The following ARHGEF4 variants were observed in gnomAD, a reference collection of about 807,000 sequenced individuals.
ARHGEF4 encodes the protein Rho guanine nucleotide exchange factor 4.
A neutral mutation model predicts 162.0 loss-of-function variants in ARHGEF4; 119 were observed. The ratio of observed to expected loss-of-function variants is 0.73; its 90% confidence interval spans 0.63 to 0.86. ARHGEF4 has a LOEUF of 0.86. Among genes scored for constraint, ARHGEF4 ranks in the 40% least tolerant of loss-of-function variants. ARHGEF4 has a pLI of 0.00. For missense variants in ARHGEF4, 2,488 were observed against 2,456.0 expected (o/e 1.01, Z -0.28); for synonymous variants, 1,014 against 979.9 (o/e 1.03, Z -0.65).
chr2:130,901,433 C>A (rs1680482894), intron 1 of ARHGEF4, among the ~76,000 whole-genome samples: 1 of 152,048 alleles, frequency 6.6e-6, no homozygotes, highest in Non-Finnish European at 1.5e-5. Flanking sequence ...GAACTTTGGC[C>A]AAAGAGAGTC....
At chr2:130,896,817 G>A (rs6759637) in intron 1 of ARHGEF4, among the ~76,000 whole-genome samples, 13,817 of 152,224 alleles carry the variant, frequency 0.091, 1,181 homozygotes, top group African/African-American at 0.22. Flanking sequence ...AGCAGGGTCC[G>A]TGTCTCAGAG....
chr2:130,924,133 G>A (rs559196909), intron 2 of ARHGEF4, among the ~76,000 whole-genome samples: 33 of 151,704 alleles, frequency 2.2e-4, no homozygotes, highest in African/African-American at 6.8e-4. Flanking sequence ...CACCTACCTC[G>A]GCCTCCCAAA....
At chr2:131,043,408 G>T in intron 10 of ARHGEF4, 44 bp from the exon 11 acceptor site, 1 of 1,610,410 alleles carries the variant, frequency 6.2e-7, no homozygotes, top group South Asian at 1.1e-5. Flanking sequence ...TGGAGCCCAC[G>T]GTTGGGTATG....
At chr2:131,045,934 G>T in intron 13 of ARHGEF4, 104 bp from the exon 14 acceptor site, 1 of 1,503,552 alleles carries the variant, frequency 6.7e-7, no homozygotes, top group Non-Finnish European at 8.9e-7. Context: ...CTCCTACGGC[G>T]GCTCTGAAGC....
intron 10 of ARHGEF4, 78 bp downstream of exon 10, chr2:131,042,022 T>G: frequency 6.5e-7 from 1 of 1,529,220 alleles, no homozygotes; most frequent in Non-Finnish European, 8.8e-7. Context: ...CTGAAAAATC[T>G]AGAAGGGAGC....
At chr2:130,870,594 T>C (rs1678404791) in intron 1 of ARHGEF4, among the ~76,000 whole-genome samples, 1 of 152,082 alleles carries the variant, frequency 6.6e-6, no homozygotes, top group African/African-American at 2.4e-5. Flanking sequence ...GGTCAAAGAA[T>C]GAAACAACTG....
chr2:130,928,182 T>C (rs924804646), intron 2 of ARHGEF4, among the ~76,000 whole-genome samples: 5 of 152,202 alleles, frequency 3.3e-5, no homozygotes, highest in Non-Finnish European at 7.3e-5. Flanking sequence ...TGGAGCTAAT[T>C]GGCTAGTGTG....
intron 1 of ARHGEF4, among the ~76,000 whole-genome samples, chr2:130,856,176 T>TA (rs1201156154): frequency 6.6e-6 from 1 of 152,212 alleles, no homozygotes; most frequent in East Asian, 1.9e-4. Flanking sequence ...ATAATATTGT[T>TA]AAAGATATGG....
At chr2:130,889,180 G>A (rs979063250) in intron 1 of ARHGEF4, among the ~76,000 whole-genome samples, 19 of 151,356 alleles carry the variant, frequency 1.3e-4, no homozygotes, top group Non-Finnish European at 2.6e-4. Flanking sequence ...TACAATACAC[G>A]TATTTAACTT....
At chr2:130,940,325 G>A (rs190877053) in intron 3 of ARHGEF4, among the ~76,000 whole-genome samples, 1 of 152,160 alleles carries the variant, frequency 6.6e-6, no homozygotes, top group Admixed American at 6.5e-5. Flanking sequence ...AATGGATAAA[G>A]TTTCAGCAGG....
intron 6 of ARHGEF4, 173 bp from the exon 7 acceptor site, chr2:131,039,843 G>C (rs1406107494): frequency 5.7e-6 from 8 of 1,412,056 alleles, no homozygotes; most frequent in African/African-American, 3.0e-5. Context: ...GTCATTCCTC[G>C]GTCCAGGACT....
At chr2:130,999,329 TG>T (rs1344850176) in intron 4 of ARHGEF4, among the ~76,000 whole-genome samples, 3 of 151,958 alleles carry the variant, frequency 2.0e-5, no homozygotes, top group Non-Finnish European at 4.4e-5. Context: ...TAATTTTTTT[TG>T]TATTTTTAGT....
chr2:130,935,864 C>T (rs907757470), intron 3 of ARHGEF4, among the ~76,000 whole-genome samples: 3 of 152,122 alleles, frequency 2.0e-5, no homozygotes, highest in African/African-American at 7.2e-5. Context: ...GTCAGGAGTT[C>T]GAGACCAGCC....
chr2:130,989,571 T>C (rs1294439947), intron 4 of ARHGEF4, among the ~76,000 whole-genome samples: 1 of 152,218 alleles, frequency 6.6e-6, no homozygotes, highest in African/African-American at 2.4e-5. Context: ...CAAAACGGAA[T>C]AGGAAAAGAT....
rs1160678760 is a variant in ARHGEF4 at position 131,041,178 on chromosome 2, T to C, written c.4663-52T>C. The C allele has an allele frequency of 2.6e-6, 4 of 1,529,248 alleles. No individual in the cohort carries two copies. In the Admixed American group the frequency reaches 7.0e-5, roughly 27 times the overall value. 94.7% of individuals were successfully genotyped at this position (1,529,248 alleles called of 1,614,324 possible). On this transcript the variant is annotated intron_variant, in intron 8 of 13. Transcript: ENST00000409359. ...TGCCCTTCCCACACATGCAGCTGGA[T>C]TGCCTGTGGGAGCAGCAGAGAGCTC... is the stretch of plus-strand genomic sequence containing the variant.
chr2:130,891,596 G>A (rs1451246443), intron 1 of ARHGEF4, among the ~76,000 whole-genome samples: 2 of 152,186 alleles, frequency 1.3e-5, no homozygotes, highest in African/African-American at 4.8e-5. Flanking sequence ...TCCAAGATCT[G>A]CCGGCAGGGC....
chr2:130,876,376 G>A (rs565662606), intron 1 of ARHGEF4, among the ~76,000 whole-genome samples: 29 of 152,272 alleles, frequency 1.9e-4, no homozygotes, highest in Non-Finnish European at 3.4e-4. Context: ...TGTGTGCTAG[G>A]TACTTTGTAT....
intron 1 of ARHGEF4, among the ~76,000 whole-genome samples, chr2:130,843,498 C>T (rs1680745604): frequency 6.6e-6 from 1 of 152,182 alleles, no homozygotes; most frequent in Admixed American, 6.5e-5. Flanking sequence ...TCCTGCTAAC[C>T]TGGACTTGCC....
rs1463174917 is a variant in ARHGEF4, at chr2:130,917,316, A to G, written c.3370A>G (p.Ser1124Gly). 1.3e-6 allele frequency: 2 copies of G among 1,550,442 alleles called. No homozygotes were observed. The highest frequency in any genetic ancestry group is 1.4e-5 in the African/African-American group (1 of 73,032). ...CTCCATGGTTTCTCTTGGAAGCTAC[A>G]GCTACGTGGACAGCAGTTCAGGGGA... The part of the protein sequence containing the change: ...AISMVSLGSY[S>G]YVDSSSGDPE... The change falls in exon 2 of 14, where the codon AGC becomes GGC. Residue 1124 changes from serine to glycine, a missense_variant. Physicochemically the swap from Ser to Gly is moderately conservative, Grantham distance 56. This residue lies in a region of ARHGEF4 where 1,642 missense variants were observed against 1,481.5 expected (regional missense o/e 1.11). Transcript: ENST00000409359.
Sources: gnomAD v4.1 joint callset for allele counts (sites outside exome capture counted in the v4.1 genomes callset) on GRCh38, gnomAD v4.1.1 for gene constraint, gnomAD v4.1.1 regional missense constraint, MANE v1.5 for transcripts, NCBI Gene and HGNC (gene_info 2026-07-23, HGNC 2026-07-21) for gene names.